ADAM19: variants seen among roughly 807,000 people sequenced by gnomAD.
ADAM19 encodes the protein ADAM metallopeptidase domain 19, also known as disintegrin and metalloproteinase domain-containing protein 19.
A neutral mutation model predicts 114.7 loss-of-function variants in ADAM19; 65 were observed. That is an observed-to-expected ratio of 0.57 (90% CI 0.46 to 0.70). The LOEUF is 0.70. ADAM19 is among the 30% of genes least tolerant of loss of function. ADAM19 has a pLI of 0.00. For synonymous variants in ADAM19, 466 were observed against 460.5 expected (o/e 1.01, Z -0.15); for missense variants, 1,063 against 1,204.7 (o/e 0.88, Z 1.74).
chr5:157,563,169 A>G (rs1757558567), intron 3 of ADAM19, among the ~76,000 whole-genome samples: 1 of 152,064 alleles, frequency 6.6e-6, no homozygotes, highest in South Asian at 2.1e-4. Context: ...GGCCAGGTCT[A>G]TTCCAGGGAC....
intron 3 of ADAM19, among the ~76,000 whole-genome samples, chr5:157,555,723 C>T (rs1278405195): frequency 2.6e-5 from 4 of 152,154 alleles, no homozygotes; most frequent in Non-Finnish European, 1.5e-5. Flanking sequence ...AAATTGGTGG[C>T]TTCAAACAAC....
chr5:157,497,909 C>T (rs1242494166), intron 13 of ADAM19, among the ~76,000 whole-genome samples: 1 of 152,200 alleles, frequency 6.6e-6, no homozygotes, highest in Non-Finnish European at 1.5e-5. Flanking sequence ...AATCACACAA[C>T]CAGGGTTTGA....
At chr5:157,499,902 C>A (rs1039187238) in intron 12 of ADAM19, among the ~76,000 whole-genome samples, 1 of 151,814 alleles carries the variant, frequency 6.6e-6, no homozygotes, top group African/African-American at 2.4e-5. Context: ...CCTCAGCCTC[C>A]GAAGTAACTC....
chr5:157,499,470 G>A, intron 13 of ADAM19, 103 bp downstream of exon 13: 2 of 978,400 alleles, frequency 2.0e-6, no homozygotes, highest in Non-Finnish European at 3.2e-6. Context: ...TGCCATCACA[G>A]CCCCAGGATG....
At chr5:157,516,252 G>T (rs929385023) in intron 7 of ADAM19, among the ~76,000 whole-genome samples, 1 of 152,152 alleles carries the variant, frequency 6.6e-6, no homozygotes, top group Non-Finnish European at 1.5e-5. Context: ...CAGCGGAGGG[G>T]TGTCCAGGAC....
In ADAM19 at chr5:157,480,912, G is replaced by C. The variant is rs1022264048; in HGVS notation, c.*37C>G. The C allele has an allele frequency of 6.2e-7, 1 of 1,613,908 alleles. No individual in the cohort carries two copies. The highest frequency in any genetic ancestry group is 8.5e-7 in the Non-Finnish European group (1 of 1,179,986). On this transcript the variant is annotated 3_prime_UTR_variant, in exon 23 of 23. Transcript: ENST00000257527. ...GGCCATGGGTCCTCTGCAGTGTCCA[G>C]AGAGCTCAAGGAAAGGGAGAAGCCC...
chr5:157,536,532 A>G (rs1756771528), intron 4 of ADAM19, among the ~76,000 whole-genome samples: 1 of 152,100 alleles, frequency 6.6e-6, no homozygotes, highest in South Asian at 2.1e-4. Flanking sequence ...GGAGGCTGAG[A>G]CAGGAGAATT....
chr5:157,536,541 T>C (rs1269641378), intron 4 of ADAM19, among the ~76,000 whole-genome samples: 1 of 152,058 alleles, frequency 6.6e-6, no homozygotes, highest in African/African-American at 2.4e-5. Context: ...GACAGGAGAA[T>C]TGCCTGAACC....
intron 4 of ADAM19, among the ~76,000 whole-genome samples, chr5:157,537,058 G>T (rs896778205): frequency 6.6e-6 from 1 of 152,244 alleles, no homozygotes; most frequent in African/African-American, 2.4e-5. Context: ...TGTTGTGGGG[G>T]AGTGGTGGGT....
At chr5:157,542,003 C>T (rs940024399) in intron 3 of ADAM19, among the ~76,000 whole-genome samples, 1 of 151,416 alleles carries the variant, frequency 6.6e-6, no homozygotes, top group Non-Finnish European at 1.5e-5. Context: ...TTTGCTGACA[C>T]CTCCTTTCTC....
chr5:157,481,618 C>A, intron 22 of ADAM19, 173 bp downstream of exon 22: 1 of 1,545,208 alleles, frequency 6.5e-7, no homozygotes, highest in Non-Finnish European at 8.7e-7. Flanking sequence ...GAAGCCAAAA[C>A]TCCACAGTCA....
At position 157,480,570 on chromosome 5, in the gene ADAM19, A is replaced by G. The variant is rs570912446; in HGVS notation, c.*379T>C. The G allele has an allele frequency of 1.9e-6, 2 of 1,075,122 alleles. No individual in the cohort carries two copies. Among genetic ancestry groups the G allele is most frequent in the Admixed American group, 4.8e-5 (1 of 20,840 alleles). 66.6% of individuals were successfully genotyped at this position (1,075,122 alleles called of 1,614,324 possible). A position where few individuals can be genotyped will look rare whatever the true frequency, so the allele number is the denominator to read the frequency against. On this transcript the variant is annotated 3_prime_UTR_variant, in exon 23 of 23. Coordinates refer to ENST00000257527, the MANE Select transcript of ADAM19 (RefSeq NM_033274.5). ...AGCTCTCTTGCGTGCCCTGCACCCC[A>G]GGAGTGAATGGATGGCTTCTGCAAG...
chr5:157,521,971 G>A (rs1197569068), intron 5 of ADAM19, among the ~76,000 whole-genome samples: 3 of 152,214 alleles, frequency 2.0e-5, no homozygotes, highest in Non-Finnish European at 4.4e-5. Flanking sequence ...GTTCCATAGA[G>A]GAATCAGGGA....
At position 157,543,151 on chromosome 5, in the gene ADAM19, C is replaced by T. The variant is rs567778470; in HGVS notation, c.252-5160G>A. On this transcript the variant is annotated intron_variant, in intron 3 of 22. Coordinates refer to ENST00000257527, the MANE Select transcript of ADAM19 (RefSeq NM_033274.5). ...ATACACACACACCGCCACACAAATA[C>T]GTCTTAGTTTCCCTTATCCAATTTT... Among the ~76,000 whole-genome samples, 42 of 152,282 alleles carry T rather than the reference C, an allele frequency of 2.8e-4. 1 individual carries two copies. In the East Asian group the frequency reaches 5.2e-3, roughly 19 times the overall value.
At chr5:157,564,212 T>G (rs1033007866) in intron 3 of ADAM19, among the ~76,000 whole-genome samples, 161 bp downstream of exon 3, 1 of 152,204 alleles carries the variant, frequency 6.6e-6, no homozygotes. Context: ...CAAGAGGCTG[T>G]GGAAAGGCTC....
At chr5:157,515,028 G>T (rs1178134441) in intron 7 of ADAM19, among the ~76,000 whole-genome samples, 1 of 152,202 alleles carries the variant, frequency 6.6e-6, no homozygotes, top group Non-Finnish European at 1.5e-5. Context: ...TATTTGTTTG[G>T]CCAGAGGTGT....
At chr5:157,487,642 G>A (rs571647010) in intron 21 of ADAM19, among the ~76,000 whole-genome samples, 10 of 148,938 alleles carry the variant, frequency 6.7e-5, no homozygotes, top group African/African-American at 1.7e-4. Flanking sequence ...GGCAGGCTAT[G>A]CCTCCAAGAG....
At chr5:157,515,717 A>G (rs1756070572) in intron 7 of ADAM19, among the ~76,000 whole-genome samples, 1 of 152,180 alleles carries the variant, frequency 6.6e-6, no homozygotes, top group African/African-American at 2.4e-5. Context: ...AGTGAGTACC[A>G]CATGCAGCAC....
chr5:157,516,870 G>A (rs546695253), intron 7 of ADAM19, among the ~76,000 whole-genome samples: 1 of 151,972 alleles, frequency 6.6e-6, no homozygotes, highest in East Asian at 1.9e-4. Context: ...TTTGGATTTT[G>A]CTCCCCACAC....
Sources: gnomAD v4.1 joint callset for allele counts (sites outside exome capture counted in the v4.1 genomes callset) on GRCh38, gnomAD v4.1.1 for gene constraint, MANE v1.5 for transcripts, NCBI Gene and HGNC (gene_info 2026-07-23, HGNC 2026-07-21) for gene names.